Variants in PARD3B observed in about 807,000 individuals in gnomAD.
The protein encoded by PARD3B is partitioning defective 3 homolog B.
Under a neutral mutation model 130.2 loss-of-function variants are expected in PARD3B, and 103 were observed. That is an observed-to-expected ratio of 0.79 (90% CI 0.67 to 0.93). The LOEUF is 0.93. Ranked by LOEUF, PARD3B falls within the 40% of genes least tolerant of loss-of-function variation. The probability of loss-of-function intolerance (pLI) is 0.00; values close to 1 mark genes in which losing one functional copy is unlikely to be tolerated. For missense variants in PARD3B, 1,609 were observed against 1,499.2 expected, an observed-to-expected ratio of 1.07 and a Z score of -1.21; for synonymous variants, 583 against 553.2, an observed-to-expected ratio of 1.05 and a Z score of -0.76.
chr2:204,746,450 A>G (rs2040233335), intron 2 of PARD3B, among the ~76,000 whole-genome samples: 1 of 152,000 alleles, frequency 6.6e-6, no homozygotes, highest in African/African-American at 2.4e-5. Flanking sequence ...ATACGTGTGC[A>G]TGTGTCTTTA....
intron 10 of PARD3B, among the ~76,000 whole-genome samples, chr2:205,147,771 A>G (rs949292174): frequency 6.6e-6 from 1 of 152,194 alleles, no homozygotes; most frequent in Non-Finnish European, 1.5e-5. Context: ...ACTATAACCT[A>G]TATCTTAAAA....
At chr2:205,603,842 T>A (rs1047944896) in intron 22 of PARD3B, among the ~76,000 whole-genome samples, 1 of 152,170 alleles carries the variant, frequency 6.6e-6, no homozygotes, top group Non-Finnish European at 1.5e-5. Context: ...TTTAGCCCAT[T>A]TTCAGTTAAG....
chr2:205,057,635 AC>A (rs1699790752), intron 4 of PARD3B, among the ~76,000 whole-genome samples: 1 of 144,920 alleles, frequency 6.9e-6, no homozygotes, highest in African/African-American at 2.5e-5. Context: ...GTATATATAT[AC>A]ATATATGTGT....
chr2:204,804,051 G>GA (rs1416252498), intron 2 of PARD3B, among the ~76,000 whole-genome samples: 1 of 151,908 alleles, frequency 6.6e-6, no homozygotes, highest in Non-Finnish European at 1.5e-5. Context: ...CTGTCTACCA[G>GA]AAAAAACAAC....
intron 2 of PARD3B, among the ~76,000 whole-genome samples, chr2:204,729,246 A>T (rs921088962): frequency 5.9e-5 from 9 of 152,224 alleles, no homozygotes; most frequent in African/African-American, 2.2e-4. Flanking sequence ...GAAAGCAAGC[A>T]CTTGGCTCCT....
At position 205,125,867 on chromosome 2, in the gene PARD3B, G is replaced by T. The variant is rs2031329513; in HGVS notation, c.1434+130G>T. On this transcript the variant is annotated intron_variant, in intron 10 of 22. Coordinates refer to ENST00000406610, the MANE Select transcript of PARD3B (RefSeq NM_001302769.2). The surrounding 1 kb of genome is among the most constrained non-coding windows in gnomAD (Gnocchi z 4.0). ...ATAACCAAAATTGAATCACACTCAG[G>T]GTATTTTACCCCATTTGGGGTATCG... 1 of 1,272,338 alleles carries T rather than the reference G, an allele frequency of 7.9e-7. No homozygotes were observed. The highest frequency in any genetic ancestry group is 1.5e-5 in the African/African-American group (1 of 67,200). 78.8% of individuals were successfully genotyped at this position (1,272,338 alleles called of 1,614,324 possible). A position where few individuals can be genotyped will look rare whatever the true frequency, so the allele number is the denominator to read the frequency against.
In PARD3B at chr2:204,770,423, C is replaced by G. The variant is rs535406094; in HGVS notation, c.222+84141C>G. On this transcript the variant is annotated intron_variant, in intron 2 of 22. Transcript: ENST00000406610. ...TTGCTGAGGAGAGCTTTACTTCCAA[C>G]TATGTGGTCAATTTTGGAATAGGTG... 1.3e-3 allele frequency among the ~76,000 whole-genome samples: 193 copies of G among 147,946 alleles called. 1 individual carries two copies. Among genetic ancestry groups the G allele is most frequent in the Middle Eastern group, 0.01 (3 of 292 alleles).
chr2:204,859,263 C>G (rs1043075806), intron 2 of PARD3B, among the ~76,000 whole-genome samples: 1 of 151,930 alleles, frequency 6.6e-6, no homozygotes, highest in African/African-American at 2.4e-5. Flanking sequence ...ATGTGCTGTT[C>G]TGTTGTGAAT....
chr2:205,317,469 T>C (rs1328147337), intron 18 of PARD3B, among the ~76,000 whole-genome samples: 1 of 152,160 alleles, frequency 6.6e-6, no homozygotes, highest in African/African-American at 2.4e-5. Context: ...ATGGAAAATA[T>C]AGCCTTTAAA....
intron 4 of PARD3B, among the ~76,000 whole-genome samples, chr2:205,066,100 T>C (rs548706254): frequency 1.3e-5 from 2 of 152,278 alleles, no homozygotes; most frequent in African/African-American, 4.8e-5. Context: ...GGAAAGTTAA[T>C]GTATCTCATG....
At chr2:204,977,811 CAAAAAAAAAA>C (rs35974349) in intron 3 of PARD3B, among the ~76,000 whole-genome samples, 2 of 59,024 alleles carry the variant, frequency 3.4e-5, no homozygotes, top group South Asian at 8.6e-4. Flanking sequence ...GACTCCGGCT[CAAAAAAAAAA>C]AAAAAAAAAA....
At chr2:204,787,502 A>G (rs2042053239) in intron 2 of PARD3B, among the ~76,000 whole-genome samples, 1 of 152,174 alleles carries the variant, frequency 6.6e-6, no homozygotes, top group Non-Finnish European at 1.5e-5. Flanking sequence ...TCAGAGTTTT[A>G]TCTAGTCATA....
At chr2:205,194,362 G>A (rs1182127136) in intron 15 of PARD3B, among the ~76,000 whole-genome samples, 5 of 152,126 alleles carry the variant, frequency 3.3e-5, no homozygotes, top group Admixed American at 6.5e-5. Flanking sequence ...TGCTGTAATC[G>A]CCTGTAGTGA....
At chr2:204,845,734 C>A (rs528398417) in intron 2 of PARD3B, among the ~76,000 whole-genome samples, 2 of 152,170 alleles carry the variant, frequency 1.3e-5, no homozygotes, top group Non-Finnish European at 2.9e-5. Context: ...GATTTTATTT[C>A]ATGTAAAACT....
chr2:205,616,685 A>G lies in PARD3B; in HGVS notation c.*872A>G, dbSNP rs893507749. ...AGCCCCAAATCTCCTGCCTATAATT[A>G]CTTTAACTGGGGTCTCTAAGGTTCC... On this transcript the variant is annotated 3_prime_UTR_variant, in exon 23 of 23. Transcript: ENST00000406610. 3.3e-5 allele frequency: 5 copies of G among 152,110 alleles called. No homozygotes were observed. The highest frequency in any genetic ancestry group is 1.2e-4 in the African/African-American group (5 of 41,404). 9.4% of individuals were successfully genotyped at this position (152,110 alleles called of 1,614,324 possible).
At chr2:204,925,505 A>G (rs1161892167) in intron 2 of PARD3B, among the ~76,000 whole-genome samples, 1 of 152,106 alleles carries the variant, frequency 6.6e-6, no homozygotes, top group East Asian at 1.9e-4. Context: ...TATATTGGAA[A>G]AAAACAAGGG....
intron 15 of PARD3B, among the ~76,000 whole-genome samples, chr2:205,227,100 T>C (rs2038595970): frequency 6.6e-6 from 1 of 152,200 alleles, no homozygotes; most frequent in Non-Finnish European, 1.5e-5. Context: ...TAGTCTAATG[T>C]GTGGTCTACC....
chr2:204,943,679 G>T lies in PARD3B; in HGVS notation c.223-21473G>T, dbSNP rs529912161. Among the ~76,000 whole-genome samples, 2 of 152,246 alleles carry T rather than the reference G, an allele frequency of 1.3e-5. No homozygotes were observed. Among genetic ancestry groups the T allele is most frequent in the South Asian group, 4.1e-4 (2 of 4,826 alleles). On this transcript the variant is annotated intron_variant, in intron 2 of 22. Transcript: ENST00000406610. This position sits in a 1 kb window ranked among gnomAD's most constrained non-coding sequence, Gnocchi z 4.2. ...TCCATATTAATAGAGGTGCTTGGAGGACCAGTTAAGGAGCATAAGAAAGGC... is the reference window on the plus strand; with the variant it reads ...TCCATATTAATAGAGGTGCTTGGAGTACCAGTTAAGGAGCATAAGAAAGGC...
chr2:204,551,963 T>C (rs114225230), intron 1 of PARD3B, among the ~76,000 whole-genome samples: 2,443 of 152,324 alleles, frequency 0.016, 32 homozygotes, highest in Middle Eastern at 0.082. Flanking sequence ...TCTGCATCTT[T>C]CAAGAGGGCA....
Sources: gnomAD v4.1 joint callset for allele counts (sites outside exome capture counted in the v4.1 genomes callset) on GRCh38, gnomAD v4.1.1 for gene constraint, Gnocchi (gnomAD v3.1) non-coding constraint, MANE v1.5 for transcripts, NCBI Gene and HGNC (gene_info 2026-07-23, HGNC 2026-07-21) for gene names.